The following CNNM2 variants were observed in gnomAD, a reference collection of about 807,000 sequenced individuals.
CNNM2 encodes metal transporter CNNM2.
A neutral mutation model predicts 66.9 loss-of-function variants in CNNM2; 12 were observed. That is an observed-to-expected ratio of 0.18 (90% confidence interval 0.11 to 0.29). The LOEUF (loss-of-function observed/expected upper bound fraction) is 0.29. Ranked by LOEUF, CNNM2 falls within the 10% of genes least tolerant of loss-of-function variation. The probability of loss-of-function intolerance (pLI) is 1.00; values close to 1 mark genes in which losing one functional copy is unlikely to be tolerated. For synonymous variants in CNNM2, 557 were observed against 501.8 expected, an observed-to-expected ratio of 1.11 and a Z score of -1.47; for missense variants, 705 against 1,167.7, an observed-to-expected ratio of 0.60 and a Z score of 5.77.
chr10:102,998,012 A>C (rs1564838453), intron 1 of CNNM2, among the ~76,000 whole-genome samples: 1 of 152,150 alleles, frequency 6.6e-6, no homozygotes, highest in Non-Finnish European at 1.5e-5. Context: ...GCTTTATGTC[A>C]GTGTTCAAGT....
At chr10:102,982,926 T>C (rs975550925) in intron 1 of CNNM2, among the ~76,000 whole-genome samples, 1 of 152,238 alleles carries the variant, frequency 6.6e-6, no homozygotes, top group Non-Finnish European at 1.5e-5. Context: ...CTAATCTAAG[T>C]TACAGAAAGC....
chr10:102,980,973 T>G (rs1753165924), intron 1 of CNNM2, among the ~76,000 whole-genome samples: 1 of 152,170 alleles, frequency 6.6e-6, no homozygotes, highest in Admixed American at 6.5e-5. Context: ...TTTAGCTTGT[T>G]TCGGAAGCAC....
intron 6 of CNNM2, 104 bp downstream of exon 6, chr10:103,071,943 T>A: frequency 1.0e-6 from 1 of 990,474 alleles, no homozygotes; most frequent in Non-Finnish European, 1.6e-6. Flanking sequence ...CAGGCTGTTT[T>A]CAGTGTTCCT....
At chr10:102,940,654 G>A (rs538848129) in intron 1 of CNNM2, among the ~76,000 whole-genome samples, 8 of 151,172 alleles carry the variant, frequency 5.3e-5, no homozygotes, top group African/African-American at 9.7e-5. Flanking sequence ...TCCTGACCTC[G>A]TGATCCGCCC....
At chr10:102,976,021 A>G (rs142237023) in intron 1 of CNNM2, among the ~76,000 whole-genome samples, 13 of 152,310 alleles carry the variant, frequency 8.5e-5, no homozygotes, top group African/African-American at 2.4e-4. Context: ...GGTTCTTTCA[A>G]TTGAGAAACC....
chr10:102,926,814 C>G (rs961500393), intron 1 of CNNM2, among the ~76,000 whole-genome samples: 1 of 150,976 alleles, frequency 6.6e-6, no homozygotes, highest in South Asian at 2.1e-4. Context: ...CTCCTGGGCT[C>G]ATGCCATTCT....
At chr10:103,023,811 A>G (rs944351626) in intron 1 of CNNM2, among the ~76,000 whole-genome samples, 1 of 152,246 alleles carries the variant, frequency 6.6e-6, no homozygotes, top group African/African-American at 2.4e-5. Flanking sequence ...ACAAATTTGC[A>G]ATCATTTGAC....
Position 103,011,646 on chromosome 10 carries a change from CTGTGTGTGTG to C in CNNM2, c.1622-38031_1622-38022del, listed in dbSNP as rs10624803. 2.2e-3 allele frequency among the ~76,000 whole-genome samples: 298 copies of C among 136,050 alleles called. 1 individual carries two copies. The highest frequency in any genetic ancestry group is 6.0e-3 in the Admixed American group (80 of 13,282). The allele number at this position is 136,050 out of a possible 152,430, so 89.3% of individuals were successfully genotyped here. ...TTCTTTTGCATAAGTAATACTTGCA[CTGTGTGTGTG>C]TGTGTGTGTGTGTGTGTGTGTGTGT... On this transcript the variant is annotated intron_variant, in intron 1 of 7. Transcript: ENST00000369878.
chr10:102,931,230 T>C (rs1846051841), intron 1 of CNNM2, among the ~76,000 whole-genome samples: 1 of 152,148 alleles, frequency 6.6e-6, no homozygotes, highest in African/African-American at 2.4e-5. Flanking sequence ...TGAGCAATAC[T>C]AAAGGCACAG....
At chr10:103,038,587 T>C (rs2064984055) in intron 1 of CNNM2, among the ~76,000 whole-genome samples, 2 of 152,124 alleles carry the variant, frequency 1.3e-5, no homozygotes, top group African/African-American at 4.8e-5. Flanking sequence ...AATAAACCTC[T>C]ACCCTCACCA....
At chr10:102,980,732 T>A (rs149881259) in intron 1 of CNNM2, among the ~76,000 whole-genome samples, 1 of 152,352 alleles carries the variant, frequency 6.6e-6, no homozygotes, top group African/African-American at 2.4e-5. Flanking sequence ...CTTAGAGAAA[T>A]GTTCCCTAAC....
intron 1 of CNNM2, among the ~76,000 whole-genome samples, chr10:103,021,729 G>A (rs191689508): frequency 1.7e-3 from 250 of 150,836 alleles, no homozygotes; most frequent in Non-Finnish European, 3.2e-3. Context: ...CAACATTGTC[G>A]GTGTTCTCCT....
In CNNM2 at chr10:102,918,518, T is replaced by TGGCG; in HGVS notation, c.46_49dup (p.Gln17ArgfsTer55). The TGGCG allele has an allele frequency of 6.2e-7, 1 of 1,605,296 alleles. No homozygotes were observed. The highest frequency in any genetic ancestry group is 8.5e-7 in the Non-Finnish European group (1 of 1,177,730). ...GGCGCTTGTGAACCCAAAGTAAAGA[T>TGGCG]GGCGGGCGGGCAGGCAGCCGCCGCA... On this transcript the variant is annotated frameshift_variant, in exon 1 of 8. Transcript: ENST00000369878. LOFTEE classifies it high-confidence loss of function. This position sits in a 1 kb window ranked among gnomAD's most constrained non-coding sequence, Gnocchi z 4.1.
chr10:102,984,401 GT>G (rs1293788411), intron 1 of CNNM2, among the ~76,000 whole-genome samples: 1 of 152,100 alleles, frequency 6.6e-6, no homozygotes, highest in Admixed American at 6.6e-5. Context: ...TTTAGGAAGT[GT>G]TATATATTAA....
chr10:102,995,156 T>TTCCTCCTCCTCCTCCC (rs2063968207), intron 1 of CNNM2, among the ~76,000 whole-genome samples: 3 of 138,784 alleles, frequency 2.2e-5, no homozygotes, highest in African/African-American at 8.0e-5. Flanking sequence ...CTCCTCCCCC[T>TTCCTCCTCCTCCTCCC]CTTCCTCCTC....
chr10:103,086,610 A>G lies in CNNM2; in HGVS notation c.*9430A>G, dbSNP rs528959425. 1.3e-5 allele frequency: 2 copies of G among 152,358 alleles called. No homozygotes were observed. Among genetic ancestry groups the G allele is most frequent in the African/African-American group, 4.8e-5 (2 of 41,588 alleles). The allele number at this position is 152,358 out of a possible 1,614,324, so 9.4% of individuals were successfully genotyped here. The stretch of plus-strand genomic sequence containing the variant: ...TTAGAAATACCTAAACATGGACAAA[A>G]TACTTCTAAATCTGACATGCAACTG... On this transcript the variant is annotated 3_prime_UTR_variant, in exon 8 of 8. Coordinates refer to ENST00000369878, the MANE Select transcript of CNNM2 (RefSeq NM_017649.5).
intron 1 of CNNM2, among the ~76,000 whole-genome samples, chr10:102,931,356 C>CA (rs1846056424): frequency 1.7e-5 from 2 of 119,266 alleles, no homozygotes; most frequent in Admixed American, 1.7e-4. Flanking sequence ...TTCCTTCTTT[C>CA]TTTTTTTTTT....
chr10:102,934,274 TCTTTC>T (rs1846156598), intron 1 of CNNM2, among the ~76,000 whole-genome samples: 1 of 140,674 alleles, frequency 7.1e-6, no homozygotes, highest in East Asian at 2.1e-4. Context: ...TTTCTTTCTT[TCTTTC>T]TTTTTTTTTT....
intron 1 of CNNM2, among the ~76,000 whole-genome samples, chr10:103,034,768 C>G (rs954874745): frequency 2.0e-5 from 3 of 151,986 alleles, no homozygotes; most frequent in African/African-American, 7.3e-5. Context: ...TGATCGAGAC[C>G]ATCCTGGCTA....
Sources: gnomAD v4.1 joint callset for allele counts (sites outside exome capture counted in the v4.1 genomes callset) on GRCh38, gnomAD v4.1.1 for gene constraint, Gnocchi (gnomAD v3.1) non-coding constraint, MANE v1.5 for transcripts, NCBI Gene and HGNC (gene_info 2026-07-23, HGNC 2026-07-21) for gene names.